The following EIF4G3 variants were observed in gnomAD, a reference collection of about 807,000 sequenced individuals.
EIF4G3 encodes the protein eIF-4-gamma 3.
EIF4G3 carries 34 observed loss-of-function variants against 186.4 expected under a neutral mutation model. The observed-to-expected ratio is 0.18, with a 90% CI of 0.14 to 0.24. The LOEUF is 0.24. EIF4G3 is among the 10% of genes least tolerant of loss of function. The pLI, the probability that EIF4G3 is intolerant of heterozygous loss-of-function variation, is 1.00. For missense variants in EIF4G3, 1,536 were observed against 1,948.5 expected (o/e 0.79, Z 3.99); for synonymous variants, 673 against 679.5 (o/e 0.99, Z 0.15).
At chr1:20,807,645 T>C (rs2058300526) in intron 36 of EIF4G3, 145 bp from the exon 37 acceptor site, 3 of 640,674 alleles carry the variant, frequency 4.7e-6, no homozygotes, top group Admixed American at 3.8e-5. Context: ...ATACTTGCTC[T>C]TGACAGTATA....
At chr1:20,975,024 T>C (rs1469061829) in intron 10 of EIF4G3, among the ~76,000 whole-genome samples, 1 of 152,166 alleles carries the variant, frequency 6.6e-6, no homozygotes, top group Non-Finnish European at 1.5e-5. Context: ...GTAAAGTTGT[T>C]GGAAGCACCA....
chr1:21,100,438 A>G (rs2096489935), intron 2 of EIF4G3, among the ~76,000 whole-genome samples: 1 of 152,204 alleles, frequency 6.6e-6, no homozygotes, highest in Non-Finnish European at 1.5e-5. Context: ...TTTAAAAATA[A>G]TATTAGAACT....
intron 21 of EIF4G3, 147 bp downstream of exon 21, chr1:20,864,968 TA>T: frequency 1.1e-6 from 1 of 923,062 alleles, no homozygotes; most frequent in Non-Finnish European, 1.6e-6. Flanking sequence ...AGCATTCCCC[TA>T]AACATTAATA....
At chr1:21,152,201 G>A (rs1317657828) in intron 2 of EIF4G3, among the ~76,000 whole-genome samples, 1 of 152,128 alleles carries the variant, frequency 6.6e-6, no homozygotes, top group Non-Finnish European at 1.5e-5. Flanking sequence ...GCCAGGCACA[G>A]TGGCTCACGC....
In EIF4G3 at chr1:20,942,083, A is replaced by C. The variant is rs766944498; in HGVS notation, c.1071T>G (p.Cys357Trp). 4 of 1,614,204 alleles carry C rather than the reference A, an allele frequency of 2.5e-6. No homozygotes were observed. The South Asian group carries it at 4.4e-5, about 18-fold the overall frequency. The change falls in exon 14 of 37, where the codon TGT becomes TGG. Residue 357 changes from cysteine to tryptophan, a missense_variant. By Grantham distance (215) the Cys-to-Trp change is radical. Transcript: ENST00000602326. ...PIFTTAIDDRCELSSPREDTI... is the reference protein window; with the variant it reads ...PIFTTAIDDRWELSSPREDTI... ...TGTCTTCTCTTGGGGATGAGAGTTC[A>C]CATCTGTCATCTATAGCAGTGGTGA...
At chr1:21,068,398 A>AAAAAAAAAAAAAAAT (rs2095337716) in intron 3 of EIF4G3, among the ~76,000 whole-genome samples, 1 of 147,314 alleles carries the variant, frequency 6.8e-6, no homozygotes. Flanking sequence ...AAAAAAAAAA[A>AAAAAAAAAAAAAAAT]AACAGAATAC....
At chr1:20,897,785 A>G (rs909434647) in intron 16 of EIF4G3, among the ~76,000 whole-genome samples, 13 of 152,012 alleles carry the variant, frequency 8.6e-5, no homozygotes, top group African/African-American at 3.1e-4. Flanking sequence ...CTTTTTTCCA[A>G]TTACTGCTGT....
intron 15 of EIF4G3, among the ~76,000 whole-genome samples, chr1:20,902,507 A>G (rs907109006): frequency 3.3e-5 from 5 of 152,232 alleles, no homozygotes; most frequent in Non-Finnish European, 7.3e-5. Flanking sequence ...AATGAAGACA[A>G]TGGCATCCAG....
chr1:20,837,953 A>C (rs1340450790), intron 30 of EIF4G3, among the ~76,000 whole-genome samples: 1 of 152,146 alleles, frequency 6.6e-6, no homozygotes, highest in African/African-American at 2.4e-5. Flanking sequence ...TAAGCATCGA[A>C]GGTTAGGCCT....
intron 20 of EIF4G3, among the ~76,000 whole-genome samples, chr1:20,878,837 G>A (rs1167329369): frequency 6.6e-6 from 1 of 152,158 alleles, no homozygotes; most frequent in African/African-American, 2.4e-5. Flanking sequence ...TTCAGATAAT[G>A]TAAACGGAGA....
chr1:21,031,395 A>AG (rs1034662058), intron 4 of EIF4G3, among the ~76,000 whole-genome samples: 1 of 152,018 alleles, frequency 6.6e-6, no homozygotes, highest in African/African-American at 2.4e-5. Flanking sequence ...AAAAAAAAAA[A>AG]AAAAAAAGAG....
chr1:20,986,765 A>AAG (rs1280002241), intron 7 of EIF4G3, among the ~76,000 whole-genome samples: 8 of 150,054 alleles, frequency 5.3e-5, no homozygotes, highest in Middle Eastern at 3.2e-3. Flanking sequence ...AAAAAAAAAA[A>AAG]AAAAAAGAAA....
chr1:20,875,030 G>A (rs1034337108), intron 20 of EIF4G3, among the ~76,000 whole-genome samples: 1 of 152,156 alleles, frequency 6.6e-6, no homozygotes, highest in South Asian at 2.1e-4. Flanking sequence ...GCTGGAGTAA[G>A]TACCATAGTA....
At chr1:21,112,685 T>C (rs1376411668) in intron 2 of EIF4G3, among the ~76,000 whole-genome samples, 1 of 152,188 alleles carries the variant, frequency 6.6e-6, no homozygotes, top group Non-Finnish European at 1.5e-5. Context: ...CACAAAGATG[T>C]TTTCTTTCTT....
chr1:20,899,033 A>G (rs902598660), intron 16 of EIF4G3, among the ~76,000 whole-genome samples: 2 of 152,152 alleles, frequency 1.3e-5, no homozygotes, highest in African/African-American at 2.4e-5. Flanking sequence ...CCCAGCCCAA[A>G]CTTTCTGTCA....
rs149913993 is a variant in EIF4G3, at chr1:20,955,833, G to A, written c.715-5722C>T. On this transcript the variant is annotated intron_variant, in intron 12 of 36. Transcript: ENST00000602326. ...GGCCAGTCTGAGAAAGGGAACACTG[G>A]AGGAGACATAAGGTTTGGAAGTCAT... Among the ~76,000 whole-genome samples the A allele has an allele frequency of 1.6e-3, 244 of 152,214 alleles. 1 individual carries two copies. Among genetic ancestry groups the A allele is most frequent in the African/African-American group, 5.0e-3 (207 of 41,514 alleles).
At chr1:21,151,348 C>T (rs1039725954) in intron 2 of EIF4G3, among the ~76,000 whole-genome samples, 1 of 149,246 alleles carries the variant, frequency 6.7e-6, no homozygotes, top group African/African-American at 2.5e-5. Context: ...ACGCCATTCT[C>T]CTGCCTCAGC....
At chr1:20,944,248 C>G (rs934503744) in intron 13 of EIF4G3, among the ~76,000 whole-genome samples, 1 of 151,928 alleles carries the variant, frequency 6.6e-6, no homozygotes, top group African/African-American at 2.4e-5. Flanking sequence ...GGTGTGATGG[C>G]TCGCATCTGT....
intron 18 of EIF4G3, chr1:20,892,787 T>A (rs918161416): frequency 1.6e-6 from 2 of 1,217,468 alleles, no homozygotes; most frequent in African/African-American, 3.0e-5. Context: ...AGATCTCCAG[T>A]ATTTTAGGAC....
Sources: allele counts gnomAD v4.1 joint callset (sites outside exome capture counted in the v4.1 genomes callset), GRCh38; gene constraint gnomAD v4.1.1; transcripts MANE v1.5; gene names NCBI Gene and HGNC (gene_info 2026-07-23, HGNC 2026-07-21).